ASIC2: variants seen among roughly 807,000 people sequenced by gnomAD.
ASIC2 encodes acid sensing ion channel subunit 2, also known as acid-sensing ion channel 2.
In ASIC2, 25 loss-of-function variants were observed where a neutral mutation model predicts 57.3. The observed-to-expected ratio is 0.44, with a 90% CI of 0.32 to 0.61. ASIC2 has a LOEUF of 0.61. ASIC2 is among the 20% of genes least tolerant of loss of function. The probability of loss-of-function intolerance (pLI) is 0.06; values close to 1 mark genes in which losing one functional copy is unlikely to be tolerated. For missense variants in ASIC2, 641 were observed against 738.1 expected (o/e 0.87, Z 1.52); for synonymous variants, 319 against 307.5 (o/e 1.04, Z -0.39).
chr17:33,156,783 A>G lies in ASIC2; in HGVS notation c.709-44716T>C, dbSNP rs114593603. 4.2e-3 allele frequency among the ~76,000 whole-genome samples: 640 copies of G among 152,166 alleles called. 6 individuals carry two copies. Among genetic ancestry groups the G allele is most frequent in the African/African-American group, 0.014 (594 of 41,530 alleles). On this transcript the variant is annotated intron_variant, in intron 1 of 9. Coordinates refer to ENST00000225823, the MANE Select transcript of ASIC2 (RefSeq NM_183377.2). ...AAAAAACAAAAACAAACAAACAAAC[A>G]AACAAATCAGTGCTTGGGTTAGGCT...
At chr17:33,138,056 G>C (rs577644823) in intron 1 of ASIC2, among the ~76,000 whole-genome samples, 1 of 152,280 alleles carries the variant, frequency 6.6e-6, no homozygotes, top group East Asian at 1.9e-4. Flanking sequence ...CTCACAGTAG[G>C]GCAGAGGAAT....
chr17:33,821,055 G>A (rs940178623), intron 1 of ASIC2, among the ~76,000 whole-genome samples: 37 of 152,234 alleles, frequency 2.4e-4, no homozygotes, highest in African/African-American at 1.4e-4. Context: ...AATAAAGCAC[G>A]CACTTTTTCT....
chr17:34,081,181 C>T (rs893341851), intron 1 of ASIC2, among the ~76,000 whole-genome samples: 4 of 152,008 alleles, frequency 2.6e-5, no homozygotes, highest in African/African-American at 9.7e-5. Flanking sequence ...ATAGATGCAC[C>T]CCAGATCTAC....
chr17:33,370,481 T>A (rs1386658437), intron 1 of ASIC2, among the ~76,000 whole-genome samples: 2 of 152,122 alleles, frequency 1.3e-5, no homozygotes, highest in African/African-American at 4.8e-5. Context: ...AAGACAGCTC[T>A]CCTGCAAGCA....
chr17:33,574,461 C>T (rs1916554030), intron 1 of ASIC2, among the ~76,000 whole-genome samples: 1 of 152,136 alleles, frequency 6.6e-6, no homozygotes, highest in Non-Finnish European at 1.5e-5. Flanking sequence ...ACTGGATAAT[C>T]CCTTGTTTTG....
chr17:33,842,649 A>T lies in ASIC2; in HGVS notation c.555+313329T>A, dbSNP rs540902242. Among the ~76,000 whole-genome samples, 11 of 152,266 alleles carry T rather than the reference A, an allele frequency of 7.2e-5. No individual in the cohort carries two copies. In the East Asian group the frequency reaches 2.1e-3, roughly 29 times the overall value. On this transcript the variant is annotated intron_variant, in intron 1 of 9. Coordinates refer to the ASIC2 transcript ENST00000359872. ...ACAGAGAATTAGGAAGGAGGAGGTG[A>T]TTGTCTTGTCCTGTCCTGGTCATAC... is the stretch of plus-strand genomic sequence containing the variant.
intron 1 of ASIC2, among the ~76,000 whole-genome samples, chr17:34,036,059 A>C (rs559338995): frequency 8.0e-4 from 122 of 152,310 alleles, no homozygotes; most frequent in Non-Finnish European, 1.4e-3. Flanking sequence ...GCTGCCATAA[A>C]GACACATGCA....
At chr17:34,032,563 C>T (rs1422193757) in intron 1 of ASIC2, among the ~76,000 whole-genome samples, 1 of 151,936 alleles carries the variant, frequency 6.6e-6, no homozygotes, top group Non-Finnish European at 1.5e-5. Context: ...AAGACACAGA[C>T]TGGCAAATTG....
intron 1 of ASIC2, among the ~76,000 whole-genome samples, chr17:33,566,712 C>T (rs1027831744): frequency 3.9e-5 from 6 of 152,124 alleles, no homozygotes; most frequent in Non-Finnish European, 5.9e-5. Context: ...TCCAGGATTC[C>T]CTTTGCCACC....
At chr17:33,556,543 C>T (rs141318526) in intron 1 of ASIC2, among the ~76,000 whole-genome samples, 1 of 152,188 alleles carries the variant, frequency 6.6e-6, no homozygotes, top group African/African-American at 2.4e-5. Flanking sequence ...TTAAGCACAG[C>T]TCTCTTCTAG....
At chr17:33,810,373 C>G (rs1912384537) in intron 1 of ASIC2, among the ~76,000 whole-genome samples, 1 of 152,176 alleles carries the variant, frequency 6.6e-6, no homozygotes, top group Non-Finnish European at 1.5e-5. Flanking sequence ...AACTCTGATG[C>G]TCAGGTCATA....
intron 1 of ASIC2, among the ~76,000 whole-genome samples, chr17:34,141,907 C>T (rs534466196): frequency 3.3e-4 from 51 of 152,304 alleles, no homozygotes; most frequent in African/African-American, 1.2e-3. Context: ...TGTTTAATCT[C>T]AGCCCATTGT....
At chr17:33,645,248 T>G (rs1366347164) in intron 1 of ASIC2, among the ~76,000 whole-genome samples, 1 of 152,190 alleles carries the variant, frequency 6.6e-6, no homozygotes, top group Non-Finnish European at 1.5e-5. Context: ...CCTGGGCTCC[T>G]AATTCAGTGC....
intron 1 of ASIC2, among the ~76,000 whole-genome samples, chr17:33,417,549 T>C (rs1157883451): frequency 6.6e-6 from 1 of 152,192 alleles, no homozygotes; most frequent in African/African-American, 2.4e-5. Flanking sequence ...TTCTTCCAAA[T>C]CAAGTCCTCA....
intron 1 of ASIC2, among the ~76,000 whole-genome samples, chr17:33,241,140 T>C (rs1411307489): frequency 6.6e-6 from 1 of 152,190 alleles, no homozygotes. Flanking sequence ...TAAACCCATG[T>C]CTCCTTCATT....
intron 1 of ASIC2, among the ~76,000 whole-genome samples, chr17:33,318,364 A>G (rs1045140096): frequency 6.6e-6 from 1 of 152,114 alleles, no homozygotes; most frequent in African/African-American, 2.4e-5. Context: ...CTTACCATGG[A>G]ACTGATTTCG....
rs111601041 is a variant in ASIC2, at chr17:33,819,376, AC to A, written c.555+336601del. Among the ~76,000 whole-genome samples the A allele has an allele frequency of 9.1e-4, 139 of 152,332 alleles. 2 individuals are homozygous for A. The highest frequency in any genetic ancestry group is 3.3e-3 in the African/African-American group (136 of 41,562). On this transcript the variant is annotated intron_variant, in intron 1 of 9. Coordinates refer to the ASIC2 transcript ENST00000359872. ...CAGTTCCAATTGAAGCTGTACAGAT[AC>A]TTGGTGCAGCATGAAGTTAGCCTCT...
At chr17:33,897,228 A>T (rs1173957091) in intron 1 of ASIC2, among the ~76,000 whole-genome samples, 1 of 152,256 alleles carries the variant, frequency 6.6e-6, no homozygotes, top group East Asian at 1.9e-4. Context: ...AGACTCACTC[A>T]GAGACCACTT....
At chr17:33,904,001 T>A (rs894011293) in intron 1 of ASIC2, among the ~76,000 whole-genome samples, 1 of 151,454 alleles carries the variant, frequency 6.6e-6, no homozygotes, top group Non-Finnish European at 1.5e-5. Context: ...CCGTCTCTAC[T>A]AAAAATACAA....
Sources: allele counts gnomAD v4.1 joint callset (sites outside exome capture counted in the v4.1 genomes callset), GRCh38; gene constraint gnomAD v4.1.1; transcripts MANE v1.5; gene names NCBI Gene and HGNC (gene_info 2026-07-23, HGNC 2026-07-21).